GRHL2: variants seen among roughly 807,000 people sequenced by gnomAD.
GRHL2 encodes grainyhead like transcription factor 2, also known as grainyhead-like protein 2 homolog.
Under a neutral mutation model 83.8 loss-of-function variants are expected in GRHL2, and 21 were observed. That is an observed-to-expected ratio of 0.25 (90% confidence interval 0.18 to 0.36). The LOEUF is 0.36. GRHL2 is among the 10% of genes least tolerant of loss of function. The pLI is 1.00. For missense variants in GRHL2, 623 were observed against 781.8 expected, an observed-to-expected ratio of 0.80 and a Z score of 2.42; for synonymous variants, 280 against 278.9, an observed-to-expected ratio of 1.00 and a Z score of -0.04.
At chr8:101,622,107 A>T (rs1812978468) in intron 9 of GRHL2, among the ~76,000 whole-genome samples, 1 of 152,202 alleles carries the variant, frequency 6.6e-6, no homozygotes, top group South Asian at 2.1e-4. Flanking sequence ...CTTTTTGAAA[A>T]AAGAAAATAA....
intron 1 of GRHL2, among the ~76,000 whole-genome samples, chr8:101,513,500 C>CTTTTTTTTTTTTT (rs112134650): frequency 0.046 from 4,606 of 99,808 alleles, 678 homozygotes; most frequent in African/African-American, 0.054. Context: ...TATCGTTGTG[C>CTTTTTTTTTTTTT]TTTTTTTTTT....
chr8:101,539,721 C>G (rs1364016222), intron 1 of GRHL2, among the ~76,000 whole-genome samples: 1 of 152,188 alleles, frequency 6.6e-6, no homozygotes, highest in African/African-American at 2.4e-5. Flanking sequence ...TTCTGCACTA[C>G]CAAAGTATCC....
chr8:101,672,518 GAAAC>G (rs1586188915), downstream of GRHL2, among the ~76,000 whole-genome samples: 1 of 151,610 alleles, frequency 6.6e-6, no homozygotes, highest in African/African-American at 2.4e-5. Flanking sequence ...AGAATAAGAA[GAAAC>G]AAACAAAGCC....
intron 8 of GRHL2, among the ~76,000 whole-genome samples, chr8:101,608,281 G>A (rs1032733712): frequency 1.3e-5 from 2 of 152,228 alleles, no homozygotes; most frequent in African/African-American, 4.8e-5. Flanking sequence ...AGGCTGTCTG[G>A]TTCTGAAGCA....
intron 7 of GRHL2, among the ~76,000 whole-genome samples, chr8:101,577,749 ATCATAG>A (rs946459661): frequency 6.6e-6 from 1 of 152,208 alleles, no homozygotes; most frequent in African/African-American, 2.4e-5. Flanking sequence ...GTCTCATAAA[ATCATAG>A]TCATATAGTT....
rs999991589 is a variant in GRHL2, at chr8:101,666,573, C to T, written c.1764-16C>T. On this transcript the variant is annotated splice_polypyrimidine_tract_variant and intron_variant, in intron 15 of 15. Coordinates refer to ENST00000646743, the MANE Select transcript of GRHL2 (RefSeq NM_024915.4). ...CGGCGTCTTTGTTTTTCACACCCCT[C>T]CCCCCTCCATGGCAGCATCTTGGTG... 6.7e-6 allele frequency: 10 copies of T among 1,493,874 alleles called. No homozygotes were observed. Among genetic ancestry groups the T allele is most frequent in the Non-Finnish European group, 9.3e-6 (10 of 1,070,380 alleles). 92.5% of individuals were successfully genotyped at this position (1,493,874 alleles called of 1,614,324 possible). A position where few individuals can be genotyped will look rare whatever the true frequency, so the allele number is the denominator to read the frequency against.
intron 14 of GRHL2, among the ~76,000 whole-genome samples, chr8:101,652,187 G>A (rs16868138): frequency 0.28 from 42,653 of 151,262 alleles, 6,529 homozygotes; most frequent in African/African-American, 0.4. Context: ...ACTAGTGCAC[G>A]ACACTTTACC....
At chr8:101,593,455 T>C (rs1021157275) in intron 7 of GRHL2, among the ~76,000 whole-genome samples, 2 of 152,186 alleles carry the variant, frequency 1.3e-5, no homozygotes, top group Admixed American at 1.3e-4. Context: ...AAATTCAATA[T>C]GTTCACAAAG....
intron 1 of GRHL2, among the ~76,000 whole-genome samples, chr8:101,497,220 T>A (rs188161211): frequency 3.9e-5 from 6 of 152,288 alleles, no homozygotes; most frequent in Admixed American, 3.9e-4. Context: ...AGAGACAAAG[T>A]ACAGATAGTG....
chr8:101,540,591 C>A (rs146296895), intron 1 of GRHL2, among the ~76,000 whole-genome samples: 20 of 152,168 alleles, frequency 1.3e-4, no homozygotes, highest in Non-Finnish European at 2.5e-4. Flanking sequence ...ATCTGCCCCA[C>A]CCCAAACATA....
downstream of GRHL2, among the ~76,000 whole-genome samples, chr8:101,672,249 C>T (rs1025876405): frequency 2.0e-5 from 3 of 151,618 alleles, no homozygotes; most frequent in East Asian, 1.9e-4. Flanking sequence ...GACGATCAAA[C>T]TACTCCGAGC....
At chr8:101,513,014 G>A (rs1251895280) in intron 1 of GRHL2, among the ~76,000 whole-genome samples, 1 of 152,040 alleles carries the variant, frequency 6.6e-6, no homozygotes, top group East Asian at 1.9e-4. Flanking sequence ...ATGAATTTTA[G>A]GGGTGTACAA....
At chr8:101,662,040 G>C (rs1813933289) in intron 14 of GRHL2, among the ~76,000 whole-genome samples, 1 of 152,088 alleles carries the variant, frequency 6.6e-6, no homozygotes, top group Non-Finnish European at 1.5e-5. Context: ...TTGCTAAATT[G>C]ACCACCTATC....
intron 1 of GRHL2, among the ~76,000 whole-genome samples, chr8:101,518,268 G>A (rs1477645158): frequency 2.6e-5 from 4 of 152,100 alleles, no homozygotes; most frequent in African/African-American, 9.7e-5. Context: ...AAATTAGCCG[G>A]GCGTGATGGT....
chr8:101,528,996 C>T (rs1036181965), intron 1 of GRHL2: 20 of 369,598 alleles, frequency 5.4e-5, no homozygotes, highest in Non-Finnish European at 2.7e-5. Flanking sequence ...TCTGCATTCT[C>T]TCTCCCTGTG....
intron 2 of GRHL2, among the ~76,000 whole-genome samples, chr8:101,546,390 C>T (rs779473615): frequency 2.8e-4 from 42 of 150,946 alleles, no homozygotes; most frequent in Non-Finnish European, 4.7e-4. Flanking sequence ...AGAAGCATAT[C>T]CTGAAACAAA....
intron 7 of GRHL2, among the ~76,000 whole-genome samples, chr8:101,579,782 C>T (rs1812011710): frequency 6.6e-6 from 1 of 152,172 alleles, no homozygotes; most frequent in Admixed American, 6.5e-5. Flanking sequence ...CTGCCTGTTG[C>T]ACCGTCATCT....
intron 4 of GRHL2, among the ~76,000 whole-genome samples, chr8:101,563,572 CT>C (rs1811651860): frequency 6.6e-6 from 1 of 152,118 alleles, no homozygotes; most frequent in Non-Finnish European, 1.5e-5. Flanking sequence ...ATTCCTTGTC[CT>C]TAAGAGGCTG....
intron 1 of GRHL2, chr8:101,529,057 GT>G: frequency 5.2e-6 from 2 of 381,798 alleles, no homozygotes; most frequent in East Asian, 8.9e-5. Flanking sequence ...CACGTCAACA[GT>G]TTTTTCAGGG....
Sources: gnomAD v4.1 joint callset for allele counts (sites outside exome capture counted in the v4.1 genomes callset) on GRCh38, gnomAD v4.1.1 for gene constraint, MANE v1.5 for transcripts, NCBI Gene and HGNC (gene_info 2026-07-23, HGNC 2026-07-21) for gene names.